The following PPHLN1 variants were observed in gnomAD, a reference collection of about 807,000 sequenced individuals.
PPHLN1 encodes periphilin-1.
In PPHLN1, 29 loss-of-function variants were observed where a neutral mutation model predicts 51.3. The ratio of observed to expected loss-of-function variants is 0.57; its 90% CI spans 0.42 to 0.77. The LOEUF is 0.77. Ranked by LOEUF, PPHLN1 falls within the 30% of genes least tolerant of loss-of-function variation. PPHLN1 has a pLI of 0.00. For synonymous variants in PPHLN1, 147 were observed against 147.8 expected, an observed-to-expected ratio of 0.99 and a Z score of 0.04; for missense variants, 436 against 438.4, an observed-to-expected ratio of 0.99 and a Z score of 0.05.
intron 9 of PPHLN1, among the ~76,000 whole-genome samples, chr12:42,421,529 G>A (rs10880300): frequency 0.2 from 30,186 of 151,868 alleles, 3,401 homozygotes; most frequent in African/African-American, 0.3. Flanking sequence ...TGTATTTTTA[G>A]TAGCGATGGG....
chr12:42,412,631 T>A (rs895271968), intron 9 of PPHLN1, among the ~76,000 whole-genome samples: 5 of 151,962 alleles, frequency 3.3e-5, no homozygotes, highest in Admixed American at 3.3e-4. Context: ...CCTTTTCCTT[T>A]GGATAGATAT....
At chr12:42,411,518 A>G (rs894263132) in intron 9 of PPHLN1, among the ~76,000 whole-genome samples, 1 of 152,234 alleles carries the variant, frequency 6.6e-6, no homozygotes, top group Non-Finnish European at 1.5e-5. Context: ...AACAAAAAAC[A>G]AAAGAAACTG....
intron 2 of PPHLN1, among the ~76,000 whole-genome samples, 173 bp from the exon 3 acceptor site, chr12:42,351,712 T>C (rs2073384078): frequency 6.6e-6 from 1 of 152,186 alleles, no homozygotes; most frequent in Non-Finnish European, 1.5e-5. Flanking sequence ...TGATTTCCTT[T>C]AATCCATGTG....
chr12:42,436,744 G>T (rs776398368), intron 9 of PPHLN1, among the ~76,000 whole-genome samples: 8 of 152,170 alleles, frequency 5.3e-5, no homozygotes, highest in Non-Finnish European at 1.2e-4. Context: ...CAGGTGGGTA[G>T]TATATAAAGA....
chr12:42,446,520 G>A (rs996819886), downstream of PPHLN1: 2 of 1,559,466 alleles, frequency 1.3e-6, no homozygotes, highest in African/African-American at 2.7e-5. Context: ...CACTCCTGGG[G>A]GTCGCTTCTT....
intron 3 of PPHLN1, 130 bp downstream of exon 3, chr12:42,352,179 T>A: frequency 1.2e-6 from 1 of 824,540 alleles, no homozygotes. Context: ...TCATGTGAAT[T>A]GCCTGCTGGA....
At chr12:42,348,050 C>T (rs563310043) in intron 2 of PPHLN1, among the ~76,000 whole-genome samples, 1 of 152,014 alleles carries the variant, frequency 6.6e-6, no homozygotes, top group African/African-American at 2.4e-5. Flanking sequence ...TCTTTATAGC[C>T]AGGTATAAGA....
intron 1 of PPHLN1, among the ~76,000 whole-genome samples, chr12:42,333,713 A>G (rs889458543): frequency 6.6e-6 from 1 of 152,038 alleles, no homozygotes. Context: ...CGATCTCCTG[A>G]CCTCGTGATC....
chr12:42,327,025 C>G (rs2068891285), intron 1 of PPHLN1, among the ~76,000 whole-genome samples: 1 of 152,186 alleles, frequency 6.6e-6, no homozygotes, highest in Non-Finnish European at 1.5e-5. Flanking sequence ...GCCTCCGTGG[C>G]CGACAGGAGA....
At position 42,338,548 on chromosome 12, in the gene PPHLN1, G is replaced by A. The variant is rs73285666; in HGVS notation, c.72+2574G>A. Among the ~76,000 whole-genome samples the A allele has an allele frequency of 9.1e-3, 1,389 of 152,298 alleles. 21 individuals are homozygous for A. The highest frequency in any genetic ancestry group is 0.031 in the African/African-American group (1,292 of 41,552). ...CAGGAAAGGCTTAGGAAAGGCTTTGGTATGGTAGAAAGATAGGCAATCGGT... is the reference window on the plus strand; with the variant it reads ...CAGGAAAGGCTTAGGAAAGGCTTTGATATGGTAGAAAGATAGGCAATCGGT... On this transcript the variant is annotated intron_variant, in intron 2 of 9. Transcript: ENST00000358314.
In PPHLN1 at chr12:42,385,481, A is replaced by T. The variant is rs371485937; in HGVS notation, c.568+485A>T. Reference sequence around the variant, plus strand: ...TAACGACTTAAATTAGCCTTTGGGCAGCTAAAATCAGGAAAGGTCCAAGAC... The same window carrying T: ...TAACGACTTAAATTAGCCTTTGGGCTGCTAAAATCAGGAAAGGTCCAAGAC... On this transcript the variant is annotated intron_variant, in intron 6 of 9. Transcript: ENST00000358314. Among the ~76,000 whole-genome samples, 3 of 152,184 alleles carry T rather than the reference A, an allele frequency of 2.0e-5. No homozygotes were observed. In the East Asian group the frequency reaches 5.8e-4, roughly 29 times the overall value.
chr12:42,446,494 C>T (rs2083329933), downstream of PPHLN1: 1 of 1,466,532 alleles, frequency 6.8e-7, no homozygotes, highest in Non-Finnish European at 9.3e-7. Context: ...AAAAAAATCT[C>T]TCCTAGAAAG....
intron 2 of PPHLN1, among the ~76,000 whole-genome samples, chr12:42,348,704 G>A (rs1308844070): frequency 1.3e-5 from 2 of 152,144 alleles, no homozygotes; most frequent in African/African-American, 4.8e-5. Flanking sequence ...TTGTGTAATG[G>A]ATTGTTATGG....
At chr12:42,433,372 G>A (rs556393826) in intron 9 of PPHLN1, 13 of 455,034 alleles carry the variant, frequency 2.9e-5, no homozygotes, top group South Asian at 2.2e-4. Flanking sequence ...ACTTAAGGGA[G>A]AATGCAGTGG....
chr12:42,409,178 A>T (rs1305591273), intron 9 of PPHLN1, among the ~76,000 whole-genome samples: 1 of 152,132 alleles, frequency 6.6e-6, no homozygotes, highest in Non-Finnish European at 1.5e-5. Flanking sequence ...TGGAAAGCAA[A>T]ACTGCTGATT....
At chr12:42,399,525 G>A (rs527677540) in intron 9 of PPHLN1, 2 of 709,574 alleles carry the variant, frequency 2.8e-6, no homozygotes. Context: ...AAGTAAATGT[G>A]AAAGGGTTTT....
chr12:42,391,099 A>G (rs2077666563), intron 7 of PPHLN1, among the ~76,000 whole-genome samples: 3 of 152,062 alleles, frequency 2.0e-5, no homozygotes, highest in Admixed American at 2.0e-4. Flanking sequence ...TATGAGCTAG[A>G]TTTCCTGATT....
intron 9 of PPHLN1, among the ~76,000 whole-genome samples, chr12:42,409,186 A>G (rs1411160886): frequency 6.6e-6 from 1 of 152,090 alleles, no homozygotes; most frequent in Non-Finnish European, 1.5e-5. Flanking sequence ...AAAACTGCTG[A>G]TTGGGGGTGA....
chr12:42,390,309 G>A (rs1344254312), intron 7 of PPHLN1, among the ~76,000 whole-genome samples: 2 of 152,236 alleles, frequency 1.3e-5, no homozygotes, highest in East Asian at 3.9e-4. Context: ...TTATGGTTCT[G>A]TCTTAAACAT....
Sources: allele counts gnomAD v4.1 joint callset (sites outside exome capture counted in the v4.1 genomes callset), GRCh38; gene constraint gnomAD v4.1.1; transcripts MANE v1.5; gene names NCBI Gene and HGNC (gene_info 2026-07-23, HGNC 2026-07-21).